The following CADM2 variants were observed in gnomAD, a reference collection of about 807,000 sequenced individuals.
The protein encoded by CADM2 is immunoglobulin superfamily member 4D.
In CADM2, 12 loss-of-function variants were observed where a neutral mutation model predicts 49.8. That is an observed-to-expected ratio of 0.24 (90% CI 0.15 to 0.39). The LOEUF is 0.39. Ranked by LOEUF, CADM2 falls within the 10% of genes least tolerant of loss-of-function variation. The pLI is 1.00. For missense variants in CADM2, 378 were observed against 492.3 expected (o/e 0.77, Z 2.20); for synonymous variants, 214 against 175.4 (o/e 1.22, Z -1.74).
intron 1 of CADM2, among the ~76,000 whole-genome samples, chr3:85,379,913 G>T (rs2033805728): frequency 6.6e-6 from 1 of 151,906 alleles, no homozygotes; most frequent in Non-Finnish European, 1.5e-5. Flanking sequence ...CCAGCTTATT[G>T]TCTGACATCT....
intron 1 of CADM2, among the ~76,000 whole-genome samples, chr3:85,230,818 G>A (rs1252906907): frequency 6.6e-6 from 1 of 152,074 alleles, no homozygotes; most frequent in Non-Finnish European, 1.5e-5. Context: ...ATAGCCTAGT[G>A]TCCTTTTGAA....
At chr3:85,727,610 G>T (rs2067755313) in intron 2 of CADM2, among the ~76,000 whole-genome samples, 1 of 152,124 alleles carries the variant, frequency 6.6e-6, no homozygotes, top group Non-Finnish European at 1.5e-5. Flanking sequence ...ATGAATACAT[G>T]TCTATAAATG....
intron 2 of CADM2, among the ~76,000 whole-genome samples, chr3:85,744,889 G>A (rs373684721): frequency 3.3e-5 from 5 of 152,168 alleles, no homozygotes; most frequent in African/African-American, 1.2e-4. Flanking sequence ...CATTGGCAGG[G>A]CAGCGGAAGA....
At chr3:85,859,743 G>T (rs1056203405) in intron 3 of CADM2, among the ~76,000 whole-genome samples, 5 of 152,044 alleles carry the variant, frequency 3.3e-5, no homozygotes, top group Non-Finnish European at 7.4e-5. Context: ...TGTATTAATT[G>T]CCCTCACAGT....
chr3:86,013,826 T>A, intron 8 of CADM2: 1 of 1,590,830 alleles, frequency 6.3e-7, no homozygotes, highest in East Asian at 2.2e-5. Flanking sequence ...GTGGTCAGGC[T>A]TACATTGTGT....
At chr3:85,256,661 G>C (rs529009783) in intron 1 of CADM2, among the ~76,000 whole-genome samples, 8 of 151,966 alleles carry the variant, frequency 5.3e-5, no homozygotes, top group African/African-American at 1.9e-4. Flanking sequence ...TACTTACAAA[G>C]TCTAGTTTTG....
chr3:85,582,009 C>T (rs2062814319), intron 1 of CADM2, among the ~76,000 whole-genome samples: 1 of 152,068 alleles, frequency 6.6e-6, no homozygotes, highest in African/African-American at 2.4e-5. Flanking sequence ...TCACTGCAAC[C>T]TCCACCTCCT....
chr3:85,022,296 A>C (rs41363247), intron 1 of CADM2, among the ~76,000 whole-genome samples: 8,485 of 152,186 alleles, frequency 0.056, 819 homozygotes, highest in African/African-American at 0.19. Context: ...GTTTGAGTTT[A>C]TGCTTGTAAC....
At chr3:85,206,702 T>C (rs1299242842) in intron 1 of CADM2, among the ~76,000 whole-genome samples, 2 of 152,138 alleles carry the variant, frequency 1.3e-5, no homozygotes, top group Non-Finnish European at 2.9e-5. Flanking sequence ...CTTTTCATTG[T>C]CTTTTTTTCT....
At chr3:85,023,004 G>A (rs1270751441) in intron 1 of CADM2, among the ~76,000 whole-genome samples, 2 of 152,028 alleles carry the variant, frequency 1.3e-5, no homozygotes, top group African/African-American at 2.4e-5. Context: ...CTTATAAAAT[G>A]AGCATTTTAG....
intron 1 of CADM2, among the ~76,000 whole-genome samples, chr3:85,559,513 C>T (rs909917354): frequency 6.6e-6 from 1 of 151,952 alleles, no homozygotes; most frequent in Non-Finnish European, 1.5e-5. Context: ...ACATAAGCTA[C>T]AGCTTATTGC....
At chr3:85,475,199 A>G (rs1398450027) in intron 1 of CADM2, among the ~76,000 whole-genome samples, 1 of 151,920 alleles carries the variant, frequency 6.6e-6, no homozygotes, top group African/African-American at 2.4e-5. Context: ...TGGAATAGTG[A>G]GCATAAAATT....
At chr3:85,832,380 G>A (rs895912559) in intron 3 of CADM2, among the ~76,000 whole-genome samples, 1 of 151,936 alleles carries the variant, frequency 6.6e-6, no homozygotes, top group Non-Finnish European at 1.5e-5. Flanking sequence ...GATAGGAATA[G>A]CATTGAATCT....
chr3:85,142,217 A>G (rs960880321), intron 1 of CADM2, among the ~76,000 whole-genome samples: 5 of 152,180 alleles, frequency 3.3e-5, no homozygotes, highest in Non-Finnish European at 7.4e-5. Context: ...AACAGCCCTC[A>G]TGGTCTCACA....
At chr3:85,932,610 A>C (rs1366376881) in intron 6 of CADM2, among the ~76,000 whole-genome samples, 3 of 152,156 alleles carry the variant, frequency 2.0e-5, no homozygotes, top group African/African-American at 7.2e-5. Flanking sequence ...TTGAACCAGG[A>C]GTATATGTGT....
At position 86,068,604 on chromosome 3, in the gene CADM2, T is replaced by G. The variant is rs1269707955; in HGVS notation, c.*1821T>G. The G allele has an allele frequency of 6.6e-6, 1 of 152,150 alleles. No homozygotes were observed. Among genetic ancestry groups the G allele is most frequent in the African/African-American group, 2.4e-5 (1 of 41,446 alleles). 9.4% of individuals were successfully genotyped at this position (152,150 alleles called of 1,614,324 possible). A position where few individuals can be genotyped will look rare whatever the true frequency, so the allele number is the denominator to read the frequency against. On this transcript the variant is annotated 3_prime_UTR_variant, in exon 10 of 10. Coordinates refer to ENST00000383699, the MANE Select transcript of CADM2 (RefSeq NM_001167675.2). ...TATCTTTGATTATTTATCAAAAAAG[T>G]ATAAATCTTTTAAGGAAAATGTTAG...
chr3:85,981,531 C>T (rs957626840), intron 8 of CADM2, among the ~76,000 whole-genome samples: 3 of 151,480 alleles, frequency 2.0e-5, no homozygotes, highest in Non-Finnish European at 4.4e-5. Flanking sequence ...CAACTAGGTC[C>T]CAGTATCTAT....
At chr3:85,886,704 A>C (rs1201040565) in intron 5 of CADM2, among the ~76,000 whole-genome samples, 1 of 152,182 alleles carries the variant, frequency 6.6e-6, no homozygotes, top group African/African-American at 2.4e-5. Context: ...AACTGTATAA[A>C]TTATTTCTTC....
chr3:85,543,420 A>ATGTGTGTGGGTGTGTGGGTGTGTG (rs372108050), intron 1 of CADM2, among the ~76,000 whole-genome samples: 1 of 129,584 alleles, frequency 7.7e-6, no homozygotes, highest in Non-Finnish European at 1.7e-5. Flanking sequence ...TGCCAAGCTA[A>ATGTGTGTGGGTGTGTGGGTGTGTG]TGTGTGTGTG....
Sources: gnomAD v4.1 joint callset for allele counts (sites outside exome capture counted in the v4.1 genomes callset) on GRCh38, gnomAD v4.1.1 for gene constraint, MANE v1.5 for transcripts, NCBI Gene and HGNC (gene_info 2026-07-23, HGNC 2026-07-21) for gene names.